MAST2: variants seen among roughly 807,000 people sequenced by gnomAD.
The protein encoded by MAST2 is microtubule-associated serine/threonine-protein kinase 2.
A neutral mutation model predicts 147.4 loss-of-function variants in MAST2; 70 were observed. That is an observed-to-expected ratio of 0.47 (90% CI 0.39 to 0.58). The LOEUF (loss-of-function observed/expected upper bound fraction) is 0.58. MAST2 is among the 20% of genes least tolerant of loss of function. The probability of loss-of-function intolerance (pLI) is 0.00; values close to 1 mark genes in which losing one functional copy is unlikely to be tolerated. For synonymous variants in MAST2, 869 were observed against 896.8 expected (o/e 0.97, Z 0.55); for missense variants, 2,080 against 2,302.3 (o/e 0.90, Z 1.98).
chr1:45,883,886 T>A (rs1646955346), intron 4 of MAST2, among the ~76,000 whole-genome samples: 1 of 140,144 alleles, frequency 7.1e-6, no homozygotes, highest in African/African-American at 2.7e-5. Flanking sequence ...GAAATATTTG[T>A]ACTTGGTCAT....
At chr1:45,983,750 G>A (rs773901190) in intron 5 of MAST2, among the ~76,000 whole-genome samples, 7 of 152,042 alleles carry the variant, frequency 4.6e-5, no homozygotes, top group Non-Finnish European at 1.0e-4. Flanking sequence ...ACAGTGTTAG[G>A]ATTACAGGCC....
chr1:46,028,350 T>C (rs1646501588), intron 17 of MAST2, among the ~76,000 whole-genome samples: 2 of 152,164 alleles, frequency 1.3e-5, no homozygotes, highest in Non-Finnish European at 2.9e-5. Flanking sequence ...AGCTCTGAAT[T>C]TCCATTGGGC....
chr1:45,937,560 G>A (rs1656433033), intron 4 of MAST2, among the ~76,000 whole-genome samples: 1 of 151,868 alleles, frequency 6.6e-6, no homozygotes, highest in African/African-American at 2.4e-5. Flanking sequence ...GACCAGCCTG[G>A]CCAACGTGGT....
rs754470819 is a variant in MAST2, at chr1:46,031,459, C to T, written c.3061C>T (p.Leu1021=). 1.9e-6 allele frequency: 3 copies of T among 1,614,158 alleles called. No homozygotes were observed. Among genetic ancestry groups the T allele is most frequent in the East Asian group, 2.2e-5 (1 of 44,890 alleles). The change falls in exon 24 of 29, where the codon CTG becomes TTG. Residue 1021 remains leucine, a synonymous_variant. Coordinates refer to ENST00000361297, the MANE Select transcript of MAST2 (RefSeq NM_015112.3). This position sits in a 1 kb window ranked among gnomAD's most constrained non-coding sequence, Gnocchi z 4.1. The part of the protein sequence containing the change: ...EGATAKAISD[L]AVRRARHRLL... ...AGCCACAGCCAAGGCCATCAGTGACCTGGCTGTGCGTAGGGCCCGCCACCG... is the reference window on the plus strand; with the variant it reads ...AGCCACAGCCAAGGCCATCAGTGACTTGGCTGTGCGTAGGGCCCGCCACCG...
chr1:45,985,781 T>G (rs1644589204), intron 5 of MAST2, among the ~76,000 whole-genome samples: 1 of 152,252 alleles, frequency 6.6e-6, no homozygotes, highest in Non-Finnish European at 1.5e-5. Context: ...TAGATCATCT[T>G]TAATTTCTCT....
At chr1:45,983,156 T>C (rs899305561) in intron 5 of MAST2, among the ~76,000 whole-genome samples, 1 of 152,204 alleles carries the variant, frequency 6.6e-6, no homozygotes, top group Admixed American at 6.5e-5. Flanking sequence ...TATTTGGTAA[T>C]GTAGAATGTT....
At chr1:46,007,639 C>T (rs902548934) in intron 8 of MAST2, among the ~76,000 whole-genome samples, 1 of 152,136 alleles carries the variant, frequency 6.6e-6, no homozygotes, top group Non-Finnish European at 1.5e-5. Flanking sequence ...CTGGGCAAGA[C>T]CCACATACCC....
intron 4 of MAST2, among the ~76,000 whole-genome samples, chr1:45,903,059 A>G (rs771743231): frequency 1.2e-4 from 17 of 146,986 alleles, no homozygotes; most frequent in Non-Finnish European, 2.6e-4. Context: ...TTCTTTAGCT[A>G]TGATGTTAGG....
chr1:45,834,627 A>T (rs2147855269), intron 3 of MAST2, among the ~76,000 whole-genome samples: 1 of 152,294 alleles, frequency 6.6e-6, no homozygotes, highest in South Asian at 2.1e-4. Flanking sequence ...CTTAAAATAT[A>T]TATACAGTTA....
chr1:46,017,028 A>G (rs1364427115), intron 10 of MAST2, among the ~76,000 whole-genome samples: 1 of 152,076 alleles, frequency 6.6e-6, no homozygotes, highest in Non-Finnish European at 1.5e-5. Context: ...CTGCATATCT[A>G]CAACTATCTG....
chr1:45,890,720 G>A (rs1412632394), intron 4 of MAST2, among the ~76,000 whole-genome samples: 5 of 152,192 alleles, frequency 3.3e-5, no homozygotes, highest in Non-Finnish European at 7.3e-5. Flanking sequence ...GTGAGGTCAG[G>A]ACCATGTTGT....
chr1:45,934,744 T>A, intron 4 of MAST2, among the ~76,000 whole-genome samples: 1 of 152,184 alleles, frequency 6.6e-6, no homozygotes, highest in Admixed American at 6.5e-5. Flanking sequence ...TTTTAATGGC[T>A]CTGTAGTATT....
At chr1:46,000,186 G>A (rs1225824049) in intron 6 of MAST2, among the ~76,000 whole-genome samples, 1 of 152,116 alleles carries the variant, frequency 6.6e-6, no homozygotes, top group African/African-American at 2.4e-5. Flanking sequence ...TGGTGGTGCA[G>A]GTCTGTAATC....
rs896112290 is a variant in MAST2 at position 46,023,311 on chromosome 1, G to A, written c.1564G>A (p.Ala522Thr). Residue 522 changes from alanine to threonine, a missense_variant, in exon 14 of 29, where the codon GCC becomes ACC. Ala to Thr is a moderately conservative substitution (Grantham distance 58, BLOSUM62 0). Transcript: ENST00000361297. This position sits in a 1 kb window ranked among gnomAD's most constrained non-coding sequence, Gnocchi z 4.9. The part of the protein sequence containing the change: ...FETIKLISNG[A>T]YGAVFLVRHK... ...GACCATTAAGCTCATCAGCAATGGC[G>A]CCTATGGGTAAAGGCAGGGGTCAGG... 7.4e-6 allele frequency: 12 copies of A among 1,613,854 alleles called. No individual in the cohort carries two copies. Among genetic ancestry groups the A allele is most frequent in the South Asian group, 3.3e-5 (3 of 91,074 alleles).
intron 5 of MAST2, among the ~76,000 whole-genome samples, chr1:45,983,978 T>A (rs1276310008): frequency 5.3e-5 from 8 of 152,250 alleles, no homozygotes; most frequent in Non-Finnish European, 1.0e-4. Flanking sequence ...TTAGAAATGT[T>A]ACCATCTATA....
rs916477476 is a variant in MAST2 at position 45,930,387 on chromosome 1, GTTTT to G, written c.501-28994_501-28991del. Among the ~76,000 whole-genome samples, 4 of 98,742 alleles carry G rather than the reference GTTTT, an allele frequency of 4.1e-5. No homozygotes were observed. The Admixed American group carries it at 4.7e-4, about 12-fold the overall frequency. The allele number at this position is 98,742 out of a possible 152,430, so 64.8% of individuals were successfully genotyped here. On this transcript the variant is annotated intron_variant, in intron 4 of 28. Coordinates refer to ENST00000361297, the MANE Select transcript of MAST2 (RefSeq NM_015112.3). The stretch of plus-strand genomic sequence containing the variant: ...AGCCACCGCGCCTGGCCTGTTTTTT[GTTTT>G]TTTTGTTTTGTTTTGTTTTGTTTTG...
intron 5 of MAST2, among the ~76,000 whole-genome samples, chr1:45,966,110 G>C (rs1021209361): frequency 6.6e-6 from 1 of 152,164 alleles, no homozygotes; most frequent in Non-Finnish European, 1.5e-5. Flanking sequence ...CATATAGTTG[G>C]AATCATACAA....
In MAST2 at chr1:46,035,536, C is replaced by A; in HGVS notation, c.4867C>A (p.His1623Asn). ...AGGTTGCTGGAAGGCCCAGCACCTC[C>A]ACACCCAGGCACTAACAGCACTTTC... is the stretch of plus-strand genomic sequence containing the variant. ...PEGCWKAQHL[H>N]TQALTALSPS... Residue 1623 changes from histidine (H) to asparagine (N), a missense_variant, in exon 29 of 29, where the codon CAC becomes AAC. Coordinates refer to ENST00000361297, the MANE Select transcript of MAST2 (RefSeq NM_015112.3). This position sits in a 1 kb window ranked among gnomAD's most constrained non-coding sequence, Gnocchi z 5.5. 1.2e-6 allele frequency: 2 copies of A among 1,613,434 alleles called. No homozygotes were observed. Among genetic ancestry groups the A allele is most frequent in the Non-Finnish European group, 1.7e-6 (2 of 1,180,002 alleles).
chr1:45,852,687 A>G (rs947471365), intron 3 of MAST2, among the ~76,000 whole-genome samples: 15 of 152,012 alleles, frequency 9.9e-5, no homozygotes, highest in Admixed American at 5.2e-4. Context: ...TGAATATTAT[A>G]TAAATGGAAC....
Sources: allele counts gnomAD v4.1 joint callset (sites outside exome capture counted in the v4.1 genomes callset), GRCh38; gene constraint gnomAD v4.1.1; non-coding constraint Gnocchi (gnomAD v3.1); transcripts MANE v1.5; gene names NCBI Gene and HGNC (gene_info 2026-07-23, HGNC 2026-07-21).